WDR70: variants seen among roughly 807,000 people sequenced by gnomAD.
The protein encoded by WDR70 is WD repeat-containing protein 70.
A neutral mutation model predicts 88.6 loss-of-function variants in WDR70; 53 were observed. That is an observed-to-expected ratio of 0.60 (90% CI 0.48 to 0.75). WDR70 has a LOEUF of 0.75. Among genes scored for constraint, WDR70 ranks in the 30% least tolerant of loss-of-function variants. WDR70 has a pLI of 0.00. For synonymous variants in WDR70, 280 were observed against 270.0 expected, an observed-to-expected ratio of 1.04 and a Z score of -0.36; for missense variants, 610 against 823.2, an observed-to-expected ratio of 0.74 and a Z score of 3.17.
intron 7 of WDR70, among the ~76,000 whole-genome samples, chr5:37,444,440 G>T (rs1738397035): frequency 6.9e-6 from 1 of 145,756 alleles, no homozygotes; most frequent in South Asian, 2.2e-4. Flanking sequence ...TTGGGCTCAA[G>T]ACATCCTCCC....
intron 8 of WDR70, among the ~76,000 whole-genome samples, chr5:37,513,751 A>G (rs1260492722): frequency 6.6e-6 from 1 of 152,122 alleles, no homozygotes; most frequent in Non-Finnish European, 1.5e-5. Flanking sequence ...CCAGTCTCTC[A>G]TTTCACATTT....
chr5:37,542,219 C>T (rs973064236), intron 9 of WDR70, among the ~76,000 whole-genome samples: 4 of 151,750 alleles, frequency 2.6e-5, no homozygotes, highest in African/African-American at 7.3e-5. Context: ...GTTTTATATA[C>T]TGTGAAATGA....
At chr5:37,738,378 A>T (rs371782959) in intron 17 of WDR70, among the ~76,000 whole-genome samples, 1 of 152,158 alleles carries the variant, frequency 6.6e-6, no homozygotes, top group African/African-American at 2.4e-5. Context: ...AGCTCACTTT[A>T]TGCTTTTTGA....
At chr5:37,454,916 C>T (rs933885186) in intron 7 of WDR70, among the ~76,000 whole-genome samples, 31 of 152,182 alleles carry the variant, frequency 2.0e-4, no homozygotes, top group Admixed American at 2.0e-4. Context: ...CATTTAATCA[C>T]TTTGACCCTT....
intron 5 of WDR70, among the ~76,000 whole-genome samples, chr5:37,434,852 T>G (rs1049592053): frequency 1.7e-4 from 26 of 152,244 alleles, no homozygotes; most frequent in Admixed American, 1.4e-3. Flanking sequence ...TCAAATAGTT[T>G]ATGATGTTCC....
chr5:37,704,007 C>T (rs1747245704), intron 13 of WDR70, among the ~76,000 whole-genome samples: 1 of 151,982 alleles, frequency 6.6e-6, no homozygotes, highest in African/African-American at 2.4e-5. Flanking sequence ...TTTAAATTAC[C>T]AGCAAAAAAC....
At chr5:37,726,639 T>C (rs948520382) in intron 16 of WDR70, among the ~76,000 whole-genome samples, 5 of 152,194 alleles carry the variant, frequency 3.3e-5, no homozygotes, top group Admixed American at 1.3e-4. Flanking sequence ...TTTTTCTATA[T>C]TGGTATCATT....
In WDR70 at chr5:37,503,383, C is replaced by T. The variant is rs370704292; in HGVS notation, c.841-13131C>T. Among the ~76,000 whole-genome samples, 133 of 152,162 alleles carry T rather than the reference C, an allele frequency of 8.7e-4. 3 individuals carry two copies. The South Asian group carries it at 0.027, about 31-fold the overall frequency. On this transcript the variant is annotated intron_variant, in intron 8 of 17. Coordinates refer to ENST00000265107, the MANE Select transcript of WDR70 (RefSeq NM_018034.4). ...CATCACTCAGGTAGTAAGCCTAGTACCCACTAGTTGTATTTACTGCTTTTT... is the reference window on the plus strand; with the variant it reads ...CATCACTCAGGTAGTAAGCCTAGTATCCACTAGTTGTATTTACTGCTTTTT...
intron 4 of WDR70, among the ~76,000 whole-genome samples, chr5:37,395,453 G>A (rs1489365310): frequency 6.6e-6 from 1 of 152,156 alleles, no homozygotes; most frequent in Non-Finnish European, 1.5e-5. Flanking sequence ...TGGACAACCA[G>A]AAACAAAATA....
chr5:37,385,582 G>T (rs1324648348), intron 3 of WDR70, among the ~76,000 whole-genome samples: 2 of 72,160 alleles, frequency 2.8e-5, no homozygotes, highest in African/African-American at 5.3e-5. Flanking sequence ...CCAGAGATTG[G>T]TGGGTGGGGA....
intron 9 of WDR70, among the ~76,000 whole-genome samples, chr5:37,603,316 C>T (rs965110905): frequency 1.3e-5 from 2 of 152,066 alleles, no homozygotes; most frequent in African/African-American, 2.4e-5. Context: ...AGAAATAAAC[C>T]CAGGTACTTA....
chr5:37,494,474 G>C (rs919240727), intron 8 of WDR70, among the ~76,000 whole-genome samples: 1 of 152,138 alleles, frequency 6.6e-6, no homozygotes, highest in Admixed American at 6.5e-5. Context: ...AACGGGGGAG[G>C]TTATTTTGGA....
chr5:37,560,782 T>C (rs1226017419), intron 9 of WDR70, among the ~76,000 whole-genome samples: 2 of 151,602 alleles, frequency 1.3e-5, no homozygotes, highest in Non-Finnish European at 2.9e-5. Context: ...ATTTATTTTA[T>C]TACATGAACA....
At chr5:37,616,757 C>G (rs371347522) in intron 10 of WDR70, among the ~76,000 whole-genome samples, 19 of 152,234 alleles carry the variant, frequency 1.2e-4, no homozygotes, top group African/African-American at 4.6e-4. Flanking sequence ...TTTGCTGTTT[C>G]TCTGTGCCCA....
At chr5:37,601,770 C>T (rs955630336) in intron 9 of WDR70, among the ~76,000 whole-genome samples, 4 of 151,998 alleles carry the variant, frequency 2.6e-5, no homozygotes, top group Non-Finnish European at 5.9e-5. Flanking sequence ...CACATGCACA[C>T]GTATGTTTAT....
intron 4 of WDR70, among the ~76,000 whole-genome samples, 190 bp from the exon 5 acceptor site, chr5:37,396,185 G>GTTT (rs34642822): frequency 6.6e-6 from 1 of 151,826 alleles, no homozygotes; most frequent in African/African-American, 2.4e-5. Flanking sequence ...GCGTAAGACG[G>GTTT]TTTTTTTTAA....
intron 17 of WDR70, among the ~76,000 whole-genome samples, chr5:37,732,518 A>G (rs1231332352): frequency 6.6e-6 from 1 of 152,132 alleles, no homozygotes; most frequent in Non-Finnish European, 1.5e-5. Flanking sequence ...CAAAACTTCA[A>G]GAAATTTTTA....
intron 5 of WDR70, among the ~76,000 whole-genome samples, chr5:37,434,203 A>G (rs533280491): frequency 2.6e-5 from 4 of 152,318 alleles, no homozygotes; most frequent in East Asian, 3.9e-4. Flanking sequence ...ATAAAAAACC[A>G]TCAGATCTTC....
At chr5:37,436,274 T>A (rs1170866287) in intron 5 of WDR70, among the ~76,000 whole-genome samples, 1 of 152,256 alleles carries the variant, frequency 6.6e-6, no homozygotes, top group East Asian at 1.9e-4. Flanking sequence ...TGTGCCAAAC[T>A]CTGTTAGGAG....
Sources: allele counts gnomAD v4.1 joint callset (sites outside exome capture counted in the v4.1 genomes callset), GRCh38; gene constraint gnomAD v4.1.1; transcripts MANE v1.5; gene names NCBI Gene and HGNC (gene_info 2026-07-23, HGNC 2026-07-21).